PAQR9: variants seen among roughly 807,000 people sequenced by gnomAD.
PAQR9 encodes progestin and adipoQ receptor family member 9.
PAQR9 carries 12 observed loss-of-function variants against 24.0 expected under a neutral mutation model. The ratio of observed to expected loss-of-function variants is 0.50; its 90% CI spans 0.32 to 0.81. The LOEUF is 0.81. Among genes scored for constraint, PAQR9 ranks in the 30% least tolerant of loss-of-function variants. The pLI is 0.03. For synonymous variants in PAQR9, 266 were observed against 237.6 expected (o/e 1.12, Z -1.10); for missense variants, 418 against 520.8 (o/e 0.80, Z 1.92).
chr3:142,959,261 C>A lies in PAQR9; in HGVS notation c.*2942G>T, dbSNP rs1201022673. ...ATATATTGTTCTGATTGCCACATTA[C>A]CTTGAAATGTGTAATAAACCTGGAT... On this transcript the variant is annotated 3_prime_UTR_variant, in exon 1 of 1. Transcript: ENST00000340634. 6.6e-6 allele frequency among the ~76,000 whole-genome samples: 1 copy of A among 152,160 alleles called. No individual in the cohort carries two copies. Among genetic ancestry groups the A allele is most frequent in the African/African-American group, 2.4e-5 (1 of 41,424 alleles).
chr3:142,955,910 A>G lies in PAQR9; in HGVS notation c.*6293T>C, dbSNP rs897463335. The stretch of plus-strand genomic sequence containing the variant: ...TGATTTGTATCCTTCTTTAAACTAT[A>G]CATTATTTACATTTTTAAAGACCTA... On this transcript the variant is annotated 3_prime_UTR_variant, in exon 1 of 1. Transcript: ENST00000340634. Among the ~76,000 whole-genome samples the G allele has an allele frequency of 6.6e-6, 1 of 152,152 alleles. No homozygotes were observed. The highest frequency in any genetic ancestry group is 1.5e-5 in the Non-Finnish European group (1 of 68,028).
chr3:142,963,231 C>G lies in PAQR9; in HGVS notation c.106G>C (p.Asp36His), dbSNP rs115958571. The part of the protein sequence containing the change: ...ARNSHSAASR[D>H]PPASAKPLLR... Reference sequence around the variant, plus strand: ...AGCGGCTTGGCAGACGCTGGGGGGTCCCGGGAGGCGGCAGAGTGGGAGTTC... The same window carrying G: ...AGCGGCTTGGCAGACGCTGGGGGGTGCCGGGAGGCGGCAGAGTGGGAGTTC... Residue 36 changes from aspartate to histidine, a missense_variant, in exon 1 of 1, where the codon GAC becomes CAC. Asp to His is a moderately conservative substitution (Grantham distance 81, BLOSUM62 -1). Coordinates refer to ENST00000340634, the MANE Select transcript of PAQR9 (RefSeq NM_198504.4). 2.6e-6 allele frequency: 4 copies of G among 1,549,550 alleles called. No homozygotes were observed. The African/African-American group carries it at 4.1e-5, about 16-fold the overall frequency.
In PAQR9 at chr3:142,963,333, G is replaced by T. The variant is rs1000636037; in HGVS notation, c.4C>A (p.Pro2Thr). M[P>T]RRLQPRGAGT... ...GCGCCCCGGGGCTGCAGGCGCCGCG[G>T]CATGGTGCCCGGGGCTCGGCTAGGG... Residue 2 changes from proline to threonine, a missense_variant, in exon 1 of 1, where the codon CCG becomes ACG. Around this residue, in one of 3 missense-constraint regions of PAQR9, gnomAD observed 180 missense variants for 190.3 expected, o/e 0.95. Transcript: ENST00000340634. The T allele has an allele frequency of 1.6e-5, 22 of 1,359,940 alleles. No individual in the cohort carries two copies. In the Middle Eastern group the frequency reaches 1.1e-3, roughly 68 times the overall value. The allele number at this position is 1,359,940 out of a possible 1,614,324, so 84.2% of individuals were successfully genotyped here. A position where few individuals can be genotyped will look rare whatever the true frequency, so the allele number is the denominator to read the frequency against.
downstream of PAQR9, among the ~76,000 whole-genome samples, chr3:142,954,144 A>G (rs924184488): frequency 3.3e-5 from 5 of 152,226 alleles, no homozygotes; most frequent in African/African-American, 9.7e-5. Context: ...CCATCACCAC[A>G]AAGTTTAAGA....
At chr3:142,952,057 G>T (rs568920113), downstream of PAQR9, among the ~76,000 whole-genome samples, 6 of 147,324 alleles carry the variant, frequency 4.1e-5, no homozygotes, top group Admixed American at 2.0e-4. Flanking sequence ...AGGGGGGGGG[G>T]TGTTGTTAGA....
In PAQR9 at chr3:142,957,763, A is replaced by G. The variant is rs1423295960; in HGVS notation, c.*4440T>C. 6.6e-6 allele frequency among the ~76,000 whole-genome samples: 1 copy of G among 152,192 alleles called. No homozygotes were observed. On this transcript the variant is annotated 3_prime_UTR_variant, in exon 1 of 1. Coordinates refer to ENST00000340634, the MANE Select transcript of PAQR9 (RefSeq NM_198504.4). ...ATATGCCGACTATCCCCTCACTTGGATTGTACATTACATTTTCAAGTTATT... is the reference window on the plus strand; with the variant it reads ...ATATGCCGACTATCCCCTCACTTGGGTTGTACATTACATTTTCAAGTTATT...
At chr3:142,963,965 G>A (rs896203931), upstream of PAQR9, 6 of 856,920 alleles carry the variant, frequency 7.0e-6, no homozygotes, top group Admixed American at 1.2e-4. Context: ...AGTCGGCCCT[G>A]GGGTTCGAAA....
In PAQR9 at chr3:142,961,988, C is replaced by T. The variant is rs1429355027; in HGVS notation, c.*215G>A. On this transcript the variant is annotated 3_prime_UTR_variant, in exon 1 of 1. Transcript: ENST00000340634. ...TCCAGGGGCAAGAACAAGTGACTAT[C>T]TCCCTCCCGCTTGACCACCCCTGCC... 1.8e-6 allele frequency: 1 copy of T among 562,564 alleles called. No homozygotes were observed. The highest frequency in any genetic ancestry group is 3.1e-6 in the Non-Finnish European group (1 of 319,826). The allele number at this position is 562,564 out of a possible 1,614,324, so 34.8% of individuals were successfully genotyped here.
Position 142,962,155 on chromosome 3 carries a change from A to G in PAQR9, c.*48T>C, listed in dbSNP as rs560076526. The G allele has an allele frequency of 1.4e-5, 22 of 1,557,402 alleles. No homozygotes were observed. The East Asian group carries it at 3.1e-4, about 22-fold the overall frequency. ...AACAAACCAACAATAGCAACAACAG[A>G]AACTCCAAACAGATGGGCGAACCAG... On this transcript the variant is annotated 3_prime_UTR_variant, in exon 1 of 1. Transcript: ENST00000340634.
Position 142,962,631 on chromosome 3 carries a change from A to AC in PAQR9, c.705dup (p.Cys236ValfsTer141). 6.2e-7 allele frequency: 1 copy of AC among 1,611,898 alleles called. No homozygotes were observed. Among genetic ancestry groups the AC allele is most frequent in the Middle Eastern group, 1.7e-4 (1 of 6,058 alleles). ...GTGCGCAGCGCGAACGGGTAGGTAC[A>AC]CCAGTCGGTACGGCTCTTGCAGCAG... On this transcript the variant is annotated frameshift_variant, in exon 1 of 1. Coordinates refer to ENST00000340634, the MANE Select transcript of PAQR9 (RefSeq NM_198504.4). LOFTEE classifies it high-confidence loss of function.
chr3:142,962,022 T>C lies in PAQR9; in HGVS notation c.*181A>G, dbSNP rs1175207240. On this transcript the variant is annotated 3_prime_UTR_variant, in exon 1 of 1. Coordinates refer to ENST00000340634, the MANE Select transcript of PAQR9 (RefSeq NM_198504.4). ...GCTTGACCACCCCTGCCAACCTCCC[T>C]ACTTCAAAGCCTCCAGTGGGTTGGG... 1 of 706,100 alleles carries C rather than the reference T, an allele frequency of 1.4e-6. No homozygotes were observed. Among genetic ancestry groups the C allele is most frequent in the African/African-American group, 1.8e-5 (1 of 55,998 alleles). 43.7% of individuals were successfully genotyped at this position (706,100 alleles called of 1,614,324 possible).
downstream of PAQR9, among the ~76,000 whole-genome samples, chr3:142,952,505 T>C (rs1470354192): frequency 6.6e-6 from 1 of 152,160 alleles, no homozygotes; most frequent in Non-Finnish European, 1.5e-5. Context: ...ATTTTATGGA[T>C]CTGTTAAGAT....
In PAQR9 at chr3:142,959,656, T is replaced by A. The variant is rs1934854915; in HGVS notation, c.*2547A>T. ...CAGCATAATCACCTGAAAAATGATATGGGTATAATTTTATCCTTAAGTGGC... is the reference window on the plus strand; with the variant it reads ...CAGCATAATCACCTGAAAAATGATAAGGGTATAATTTTATCCTTAAGTGGC... On this transcript the variant is annotated 3_prime_UTR_variant, in exon 1 of 1. Transcript: ENST00000340634. 6.6e-6 allele frequency among the ~76,000 whole-genome samples: 1 copy of A among 152,166 alleles called. No individual in the cohort carries two copies. Among genetic ancestry groups the A allele is most frequent in the Non-Finnish European group, 1.5e-5 (1 of 68,038 alleles).
At chr3:142,963,693 G>A (rs1237771650), upstream of PAQR9, 2 of 668,768 alleles carry the variant, frequency 3.0e-6, no homozygotes, top group Non-Finnish European at 3.7e-6. Context: ...CGCGGTGCGG[G>A]TGCCTCCGCC....
At chr3:142,952,507 T>G (rs1019321960), downstream of PAQR9, among the ~76,000 whole-genome samples, 24 of 152,240 alleles carry the variant, frequency 1.6e-4, no homozygotes, top group African/African-American at 5.8e-4. Context: ...TTTATGGATC[T>G]GTTAAGATAC....
chr3:142,963,240 C>G lies in PAQR9; in HGVS notation c.97G>C (p.Ala33Pro), dbSNP rs750609385. 1.3e-4 allele frequency: 208 copies of G among 1,543,330 alleles called. No individual in the cohort carries two copies. Among genetic ancestry groups the G allele is most frequent in the Non-Finnish European group, 1.6e-4 (187 of 1,144,870 alleles). Reference sequence around the variant, plus strand: ...GCAGACGCTGGGGGGTCCCGGGAGGCGGCAGAGTGGGAGTTCCGGGCGGCC... The same window carrying G: ...GCAGACGCTGGGGGGTCCCGGGAGGGGGCAGAGTGGGAGTTCCGGGCGGCC... ...SGAARNSHSAASRDPPASAKP... is the reference protein window; with the variant it reads ...SGAARNSHSAPSRDPPASAKP... The change falls in exon 1 of 1, where the codon GCC becomes CCC. Residue 33 changes from alanine (A) to proline (P), a missense_variant. Transcript: ENST00000340634.
In PAQR9 at chr3:142,962,054, T is replaced by C; in HGVS notation, c.*149A>G. The C allele has an allele frequency of 1.0e-6, 1 of 963,296 alleles. No individual in the cohort carries two copies. The highest frequency in any genetic ancestry group is 1.6e-6 in the Non-Finnish European group (1 of 642,594). The allele number at this position is 963,296 out of a possible 1,614,324, so 59.7% of individuals were successfully genotyped here. ...AAGCCTCCAGTGGGTTGGGATCCCTTTGTAGCAGTGAACTTTTTCCCTATG... is the reference window on the plus strand; with the variant it reads ...AAGCCTCCAGTGGGTTGGGATCCCTCTGTAGCAGTGAACTTTTTCCCTATG... On this transcript the variant is annotated 3_prime_UTR_variant, in exon 1 of 1. Transcript: ENST00000340634.
At chr3:142,963,734 GT>G (rs1459624345), upstream of PAQR9, 3 of 865,812 alleles carry the variant, frequency 3.5e-6, no homozygotes, top group Non-Finnish European at 4.2e-6. Flanking sequence ...AGGTGGGGAT[GT>G]GCGAGCCGAG....
Position 142,963,032 on chromosome 3 carries a change from C to T in PAQR9, c.305G>A (p.Cys102Tyr). 9.3e-6 allele frequency: 15 copies of T among 1,614,172 alleles called. No individual in the cohort carries two copies. The highest frequency in any genetic ancestry group is 1.3e-5 in the Non-Finnish European group (15 of 1,180,012). The change falls in exon 1 of 1, where the codon TGC becomes TAC. Residue 102 changes from cysteine to tyrosine, a missense_variant. Cys to Tyr is a radical substitution (Grantham distance 194). Around this residue, in one of 3 missense-constraint regions of PAQR9, gnomAD observed 180 missense variants for 190.3 expected, o/e 0.95. Coordinates refer to ENST00000340634, the MANE Select transcript of PAQR9 (RefSeq NM_198504.4). ...IPLLLFLSKF[C>Y]RLFFLSGGDV... ...GCCGCCGCTCAGGAAGAACAGACGGCAGAACTTGCTCAGGAACAGCAGCAG... is the reference window on the plus strand; with the variant it reads ...GCCGCCGCTCAGGAAGAACAGACGGTAGAACTTGCTCAGGAACAGCAGCAG...
Sources: allele counts gnomAD v4.1 joint callset (sites outside exome capture counted in the v4.1 genomes callset), GRCh38; gene constraint gnomAD v4.1.1; regional missense constraint gnomAD v4.1.1; transcripts MANE v1.5; gene names NCBI Gene and HGNC (gene_info 2026-07-23, HGNC 2026-07-21).